Variants in CREB5 observed in about 807,000 individuals in gnomAD.
CREB5 encodes the protein cAMP responsive element binding protein 5.
CREB5 carries 19 observed loss-of-function variants against 57.1 expected under a neutral mutation model. That is an observed-to-expected ratio of 0.33 (90% CI 0.23 to 0.49). The LOEUF is 0.49. Among genes scored for constraint, CREB5 ranks in the 20% least tolerant of loss-of-function variants. CREB5 has a pLI of 0.99. For missense variants in CREB5, 579 were observed against 671.6 expected (o/e 0.86, Z 1.52); for synonymous variants, 238 against 238.3 (o/e 1.00, Z 0.01).
intron 1 of CREB5, among the ~76,000 whole-genome samples, chr7:28,372,550 G>A (rs1353237661): frequency 6.6e-6 from 1 of 152,136 alleles, no homozygotes; most frequent in Non-Finnish European, 1.5e-5. Context: ...TTGCATAAAG[G>A]TGTAAATATT....
chr7:28,687,077 T>C (rs186363481), intron 5 of CREB5, among the ~76,000 whole-genome samples: 8 of 152,292 alleles, frequency 5.3e-5, no homozygotes, highest in African/African-American at 1.9e-4. Context: ...GCTGTTCCAT[T>C]TATTATTAAG....
chr7:28,630,576 T>C (rs750758101), intron 5 of CREB5, among the ~76,000 whole-genome samples: 6 of 152,124 alleles, frequency 3.9e-5, no homozygotes, highest in Non-Finnish European at 5.9e-5. Flanking sequence ...CTGAAAAAGT[T>C]CGAAAAAATG....
intron 7 of CREB5, among the ~76,000 whole-genome samples, chr7:28,755,131 TC>T (rs974793914): frequency 3.9e-5 from 6 of 152,136 alleles, no homozygotes; most frequent in African/African-American, 1.4e-4. Context: ...GGTTACATGG[TC>T]CCTCTGTAAG....
At chr7:28,723,396 G>A (rs561269719) in intron 6 of CREB5, among the ~76,000 whole-genome samples, 2 of 152,290 alleles carry the variant, frequency 1.3e-5, no homozygotes, top group South Asian at 2.1e-4. Context: ...GCCAGAACTC[G>A]ATTCAGGTAT....
chr7:28,548,717 C>A (rs1489293998), intron 4 of CREB5, among the ~76,000 whole-genome samples: 1 of 152,174 alleles, frequency 6.6e-6, no homozygotes, highest in Non-Finnish European at 1.5e-5. Flanking sequence ...ACACAACCAG[C>A]TGTCCTAAGG....
In CREB5 at chr7:28,560,833, CGTGT is replaced by C. The variant is rs1554344280; in HGVS notation, c.292-9524_292-9521del. On this transcript the variant is annotated intron_variant, in intron 4 of 10. Coordinates refer to ENST00000357727, the MANE Select transcript of CREB5 (RefSeq NM_182898.4). ...GCGTGTGTGTGTGTGCGCGCGCGCG[CGTGT>C]GTGTGTGCGCGTGTGTGTGTGCGTG... Among the ~76,000 whole-genome samples, 3 of 41,886 alleles carry C rather than the reference CGTGT, an allele frequency of 7.2e-5. 1 individual carries two copies. The highest frequency in any genetic ancestry group is 2.5e-4 in the African/African-American group (3 of 11,870). The allele number at this position is 41,886 out of a possible 152,430, so 27.5% of individuals were successfully genotyped here. A position where few individuals can be genotyped will look rare whatever the true frequency, so the allele number is the denominator to read the frequency against.
At chr7:28,491,443 G>A (rs1372870926) in intron 2 of CREB5, among the ~76,000 whole-genome samples, 2 of 152,150 alleles carry the variant, frequency 1.3e-5, no homozygotes, top group African/African-American at 4.8e-5. Flanking sequence ...CATTTTGAAT[G>A]ACCTTGAACT....
chr7:28,560,879 C>CGTGCGTGCGCGCGTGCGTGCGT lies in CREB5; in HGVS notation c.292-9477_292-9476insCGCGTGCGTGCGTGTGCGTGCG, dbSNP rs1795133436. ...GTGTGCGTGTGCCTGCGTGCGCGTG[C>CGTGCGTGCGCGCGTGCGTGCGT]GTGCGTGCGTGTGTGTGCGTGCGCG... On this transcript the variant is annotated intron_variant, in intron 4 of 10. Transcript: ENST00000357727. Among the ~76,000 whole-genome samples, 12 of 22,064 alleles carry CGTGCGTGCGCGCGTGCGTGCGT rather than the reference C, an allele frequency of 5.4e-4. 1 individual carries two copies. Among genetic ancestry groups the CGTGCGTGCGCGCGTGCGTGCGT allele is most frequent in the Non-Finnish European group, 1.2e-3 (12 of 9,688 alleles). 14.5% of individuals were successfully genotyped at this position (22,064 alleles called of 152,430 possible).
At chr7:28,440,625 T>G (rs987113371) in intron 1 of CREB5, among the ~76,000 whole-genome samples, 1 of 152,188 alleles carries the variant, frequency 6.6e-6, no homozygotes, top group Middle Eastern at 3.2e-3. Flanking sequence ...TAATAGCCAC[T>G]TATAAAACCA....
chr7:28,561,198 A>G (rs1795259944), intron 4 of CREB5, among the ~76,000 whole-genome samples: 1 of 152,190 alleles, frequency 6.6e-6, no homozygotes, highest in South Asian at 2.1e-4. Flanking sequence ...ATATTCACTC[A>G]GCAAACATCT....
At chr7:28,808,336 CT>C (rs1808875230) in intron 8 of CREB5, among the ~76,000 whole-genome samples, 1 of 152,132 alleles carries the variant, frequency 6.6e-6, no homozygotes, top group Admixed American at 6.5e-5. Flanking sequence ...TCATGGGCTT[CT>C]TTTCATAGGA....
chr7:28,492,534 G>A (rs1260340782), intron 2 of CREB5, among the ~76,000 whole-genome samples: 4 of 151,898 alleles, frequency 2.6e-5, no homozygotes, highest in Admixed American at 2.0e-4. Flanking sequence ...AAAAAATCAC[G>A]ATGTCCTTTA....
intron 5 of CREB5, chr7:28,686,179 C>T (rs753126634): frequency 1.6e-5 from 25 of 1,612,818 alleles, no homozygotes; most frequent in Non-Finnish European, 2.0e-5. Flanking sequence ...GGGAATTCAG[C>T]CTCAGTGATG....
At chr7:28,449,614 T>G (rs1401546594) in intron 1 of CREB5, among the ~76,000 whole-genome samples, 4 of 152,244 alleles carry the variant, frequency 2.6e-5, no homozygotes, top group Non-Finnish European at 5.9e-5. Flanking sequence ...TGCTTTTGGT[T>G]AACTCTAACA....
At chr7:28,685,172 C>A (rs1256469612) in intron 5 of CREB5, among the ~76,000 whole-genome samples, 1 of 152,208 alleles carries the variant, frequency 6.6e-6, no homozygotes, top group Non-Finnish European at 1.5e-5. Context: ...GGGGCACAGC[C>A]TGTCTTTCAT....
At chr7:28,647,929 A>C (rs1377134630) in intron 5 of CREB5, among the ~76,000 whole-genome samples, 3 of 152,176 alleles carry the variant, frequency 2.0e-5, no homozygotes, top group Non-Finnish European at 2.9e-5. Flanking sequence ...AAAAAATAAA[A>C]ATAAGAGAAA....
chr7:28,477,326 G>A (rs531492770), intron 1 of CREB5, among the ~76,000 whole-genome samples: 32 of 152,092 alleles, frequency 2.1e-4, no homozygotes, highest in Non-Finnish European at 3.7e-4. Context: ...CTTCTCCAAC[G>A]TCCCCACTGG....
chr7:28,399,847 G>T (rs1009969676), intron 1 of CREB5, among the ~76,000 whole-genome samples: 1 of 152,062 alleles, frequency 6.6e-6, no homozygotes, highest in Non-Finnish European at 1.5e-5. Context: ...TTGAGGTCAG[G>T]AGTTCGAGAC....
In CREB5 at chr7:28,822,081, A is replaced by G. The variant is rs907960070; in HGVS notation, c.*2802A>G. The G allele has an allele frequency of 6.6e-6, 1 of 152,392 alleles. No individual in the cohort carries two copies. The highest frequency in any genetic ancestry group is 6.5e-5 in the Admixed American group (1 of 15,284). 9.4% of individuals were successfully genotyped at this position (152,392 alleles called of 1,614,324 possible). A position where few individuals can be genotyped will look rare whatever the true frequency, so the allele number is the denominator to read the frequency against. ...ACAGTTTGACTGATGTGCATTATAT[A>G]TAGCTCAATTATGTCTGTTTTTTAT... On this transcript the variant is annotated 3_prime_UTR_variant, in exon 11 of 11. Transcript: ENST00000357727.
Sources: gnomAD v4.1 joint callset for allele counts (sites outside exome capture counted in the v4.1 genomes callset) on GRCh38, gnomAD v4.1.1 for gene constraint, MANE v1.5 for transcripts, NCBI Gene and HGNC (gene_info 2026-07-23, HGNC 2026-07-21) for gene names.